The following RPP30 variants were observed in gnomAD, a reference collection of about 807,000 sequenced individuals.
The protein encoded by RPP30 is ribonuclease P/MRP subunit p30, also known as ribonuclease P protein subunit p30.
RPP30 carries 36 observed loss-of-function variants against 38.6 expected under a neutral mutation model. The observed-to-expected ratio is 0.93, with a 90% CI of 0.71 to 1.23. The LOEUF is 1.23. RPP30 is among the 50% of genes most tolerant of loss of function. RPP30 has a pLI of 0.00. For missense variants in RPP30, 321 were observed against 321.7 expected (o/e 1.00, Z 0.02); for synonymous variants, 126 against 112.7 (o/e 1.12, Z -0.75).
At chr10:90,896,172 C>A in intron 9 of RPP30, 141 bp from the exon 10 acceptor site, 2 of 712,014 alleles carry the variant, frequency 2.8e-6, no homozygotes, top group South Asian at 1.8e-5. Flanking sequence ...TTCTCAGATG[C>A]ATGTTCCAGT....
At chr10:90,896,984 G>A (rs1307431913) in intron 10 of RPP30, among the ~76,000 whole-genome samples, 1 of 151,724 alleles carries the variant, frequency 6.6e-6, no homozygotes, top group Non-Finnish European at 1.5e-5. Context: ...TGAACTCCTG[G>A]GCTCAAGCAA....
intron 8 of RPP30, 78 bp from the exon 9 acceptor site, chr10:90,895,798 AAATT>A: frequency 9.5e-7 from 1 of 1,047,538 alleles, no homozygotes; most frequent in African/African-American, 1.7e-5. Flanking sequence ...TTGGATACTT[AAATT>A]TTCTATTAAT....
At chr10:90,902,381 G>C, downstream of RPP30, 1 of 348,054 alleles carries the variant, frequency 2.9e-6, no homozygotes, top group Non-Finnish European at 5.8e-6. Context: ...CCACATCCCA[G>C]CTAATTTTTG....
intron 4 of RPP30, among the ~76,000 whole-genome samples, chr10:90,877,491 G>A (rs1846868115): frequency 6.6e-6 from 1 of 152,052 alleles, no homozygotes; most frequent in South Asian, 2.1e-4. Context: ...GTATGAAAGA[G>A]GATGAGCTAG....
At chr10:90,900,528 G>C (rs1290880858) in intron 10 of RPP30, 42 bp from the exon 11 acceptor site, 2 of 1,578,094 alleles carry the variant, frequency 1.3e-6, no homozygotes. Flanking sequence ...TTTAAATTAT[G>C]TCTTAACTTC....
Position 90,872,018 on chromosome 10 carries a change from C to A in RPP30, c.32C>A (p.Ala11Glu). 1 of 1,614,134 alleles carries A rather than the reference C, an allele frequency of 6.2e-7. No homozygotes were observed. The highest frequency in any genetic ancestry group is 1.1e-5 in the South Asian group (1 of 91,082). Residue 11 changes from alanine to glutamate, a missense_variant, in exon 1 of 11, where the codon GCG (alanine) becomes GAG (glutamate). By Grantham distance (107) the Ala-to-Glu change is moderately radical. Transcript: ENST00000371703. MAVFADLDLR[A>E]GSDLKALRGL... Reference sequence around the variant, plus strand: ...GTGTTTGCAGATTTGGACCTGCGAGCGGGTTCTGACCTGAAGGCTCTGCGC... The same window carrying A: ...GTGTTTGCAGATTTGGACCTGCGAGAGGGTTCTGACCTGAAGGCTCTGCGC...
rs1226564430 is a variant in RPP30 at position 90,902,057 on chromosome 10, A to G, written c.*1378A>G. On this transcript the variant is annotated 3_prime_UTR_variant, in exon 11 of 11. Transcript: ENST00000371703. The stretch of plus-strand genomic sequence containing the variant: ...CATATTCCACCCGCCTCGGCCTCCC[A>G]AAGTGCTGGGATTACAGGCGTTAGC... The G allele has an allele frequency of 1.9e-5, 17 of 886,136 alleles. No homozygotes were observed. The South Asian group carries it at 5.1e-4, about 26-fold the overall frequency. 54.9% of individuals were successfully genotyped at this position (886,136 alleles called of 1,614,324 possible).
chr10:90,900,443 A>G, intron 10 of RPP30, 127 bp from the exon 11 acceptor site: 1 of 823,574 alleles, frequency 1.2e-6, no homozygotes, highest in Non-Finnish European at 1.9e-6. Context: ...AAATGGCACT[A>G]GCAGCCATAG....
At chr10:90,904,919 C>T (rs900484904), downstream of RPP30, among the ~76,000 whole-genome samples, 1 of 152,132 alleles carries the variant, frequency 6.6e-6, no homozygotes, top group African/African-American at 2.4e-5. Flanking sequence ...ATCTCTATCT[C>T]ACACCCAATA....
intron 6 of RPP30, among the ~76,000 whole-genome samples, chr10:90,889,159 G>T (rs1037670619): frequency 6.6e-6 from 1 of 152,144 alleles, no homozygotes; most frequent in African/African-American, 2.4e-5. Context: ...CTGTGGAGCT[G>T]TTTGTCTACA....
downstream of RPP30, among the ~76,000 whole-genome samples, chr10:90,903,650 C>T (rs866125185): frequency 1.6e-4 from 24 of 152,266 alleles, no homozygotes; most frequent in South Asian, 2.1e-4. Context: ...AGGCAAGTTT[C>T]CTTCTAATAT....
rs545673754 is a variant in RPP30 at position 90,893,713 on chromosome 10, T to C, written c.433-1062T>C. On this transcript the variant is annotated intron_variant, in intron 6 of 10. Coordinates refer to ENST00000371703, the MANE Select transcript of RPP30 (RefSeq NM_006413.5). The stretch of plus-strand genomic sequence containing the variant: ...CTGAAAGTGCACCTTCCTCTACTAT[T>C]TAACTGCTTAATTTCTTCCTCAACC... Among the ~76,000 whole-genome samples, 7 of 152,298 alleles carry C rather than the reference T, an allele frequency of 4.6e-5. No homozygotes were observed. In the South Asian group the frequency reaches 1.5e-3, roughly 32 times the overall value.
chr10:90,897,632 G>A (rs1470082652), intron 10 of RPP30, among the ~76,000 whole-genome samples: 1 of 152,130 alleles, frequency 6.6e-6, no homozygotes, highest in Non-Finnish European at 1.5e-5. Flanking sequence ...TCAGGATTTT[G>A]AGTAACAGTT....
At chr10:90,893,229 AG>A (rs961385041) in intron 6 of RPP30, among the ~76,000 whole-genome samples, 3 of 152,212 alleles carry the variant, frequency 2.0e-5, no homozygotes, top group Non-Finnish European at 2.9e-5. Context: ...GAAAAGCAGA[AG>A]GGGCCTTCAA....
Position 90,876,052 on chromosome 10 carries a change from C to A in RPP30, c.224C>A (p.Thr75Asn). 6.4e-7 allele frequency: 1 copy of A among 1,572,146 alleles called. No individual in the cohort carries two copies. Among genetic ancestry groups the A allele is most frequent in the Non-Finnish European group, 8.8e-7 (1 of 1,142,450 alleles). Reference protein sequence around the residue: ...QGKSRPIKILTRLTIIVSDPS... With the variant: ...QGKSRPIKILNRLTIIVSDPS... ...AAATCAAGACCAATTAAAATTTTAA[C>A]TAGATTAACAATTATTGTCTCGGAT... The change falls in exon 4 of 11, where the codon ACT (threonine) becomes AAT (asparagine). Residue 75 changes from threonine (T) to asparagine (N), a missense_variant. Transcript: ENST00000371703.
At chr10:90,908,053 T>C (rs954494150), downstream of RPP30, among the ~76,000 whole-genome samples, 4 of 152,228 alleles carry the variant, frequency 2.6e-5, no homozygotes, top group Admixed American at 6.5e-5. Context: ...TAGGCAACTA[T>C]AACACAGTGG....
chr10:90,892,110 A>G (rs1847088408), intron 6 of RPP30, among the ~76,000 whole-genome samples: 1 of 152,206 alleles, frequency 6.6e-6, no homozygotes, highest in Non-Finnish European at 1.5e-5. Context: ...TAGCATCTTT[A>G]TGACCATTAT....
rs752864060 is a variant in RPP30 at position 90,871,986 on chromosome 10, C to T, written c.-1C>T. 2 of 1,613,930 alleles carry T rather than the reference C, an allele frequency of 1.2e-6. No homozygotes were observed. Among genetic ancestry groups the T allele is most frequent in the Non-Finnish European group, 1.7e-6 (2 of 1,179,832 alleles). On this transcript the variant is annotated 5_prime_UTR_variant, in exon 1 of 11. Transcript: ENST00000371703. The stretch of plus-strand genomic sequence containing the variant: ...CGCGCGGACGGTCATGGGACTTCAG[C>T]ATGGCGGTGTTTGCAGATTTGGACC...
chr10:90,880,116 T>TAGTCAATTAAGATAACTGACTGTCAAC (rs1846904072), intron 5 of RPP30: 1 of 150,702 alleles, frequency 6.6e-6, no homozygotes, highest in Non-Finnish European at 1.5e-5. Flanking sequence ...TGATTGTGAA[T>TAGTCAATTAAGATAACTGACTGTCAAC]AGTCAATTAA....
Sources: gnomAD v4.1 joint callset for allele counts (sites outside exome capture counted in the v4.1 genomes callset) on GRCh38, gnomAD v4.1.1 for gene constraint, MANE v1.5 for transcripts, NCBI Gene and HGNC (gene_info 2026-07-23, HGNC 2026-07-21) for gene names.